Variants in ZNF578 observed in about 807,000 individuals in gnomAD.
ZNF578 encodes the protein zinc finger protein 578.
A neutral mutation model predicts 8.3 loss-of-function variants in ZNF578; 8 were observed. That is an observed-to-expected ratio of 0.96 (90% confidence interval 0.56 to 1.74). ZNF578 has a LOEUF of 1.74. Among genes scored for constraint, ZNF578 ranks in the 40% most tolerant of loss-of-function variants. The pLI is 0.00. For synonymous variants in ZNF578, 206 were observed against 232.2 expected (o/e 0.89, Z 1.03); for missense variants, 726 against 707.5 (o/e 1.03, Z -0.30).
At chr19:52,467,001 C>T (rs1039098717) in intron 2 of ZNF578, among the ~76,000 whole-genome samples, 4 of 151,662 alleles carry the variant, frequency 2.6e-5, no homozygotes, top group Non-Finnish European at 5.9e-5. Context: ...CCAGGCAACC[C>T]TCTCTTGATT....
intron 2 of ZNF578, among the ~76,000 whole-genome samples, chr19:52,464,062 C>G (rs1472789873): frequency 6.6e-6 from 1 of 152,156 alleles, no homozygotes; most frequent in Non-Finnish European, 1.5e-5. Flanking sequence ...GGGCTCAGTG[C>G]CACAAAGTTT....
intron 5 of ZNF578, among the ~76,000 whole-genome samples, chr19:52,509,965 T>C (rs1488874290): frequency 6.6e-6 from 1 of 151,744 alleles, no homozygotes; most frequent in African/African-American, 2.4e-5. Context: ...CACTGCAACC[T>C]CTGCCTCCCC....
intron 2 of ZNF578, among the ~76,000 whole-genome samples, chr19:52,483,398 A>G (rs1430892692): frequency 6.6e-6 from 1 of 152,182 alleles, no homozygotes; most frequent in East Asian, 1.9e-4. Flanking sequence ...CTCGGCAACA[A>G]GAGGGAAACT....
At chr19:52,492,931 T>C (rs2059371433) in intron 3 of ZNF578, 1 of 152,284 alleles carries the variant, frequency 6.6e-6, no homozygotes, top group African/African-American at 2.4e-5. Flanking sequence ...TCCCTAGGAC[T>C]TTGGGTCCCC....
At chr19:52,492,736 C>T (rs952282716) in intron 3 of ZNF578, 1 of 152,236 alleles carries the variant, frequency 6.6e-6, no homozygotes, top group Non-Finnish European at 1.5e-5. Flanking sequence ...GTCTCTCCGC[C>T]TCGCGCTCCG....
intron 2 of ZNF578, among the ~76,000 whole-genome samples, chr19:52,490,880 CT>C (rs1365925386): frequency 6.6e-6 from 1 of 152,180 alleles, no homozygotes; most frequent in Non-Finnish European, 1.5e-5. Context: ...TTTGGTTACT[CT>C]TACATAAGCT....
At chr19:52,481,110 G>A (rs1486383616) in intron 2 of ZNF578, among the ~76,000 whole-genome samples, 1 of 152,058 alleles carries the variant, frequency 6.6e-6, no homozygotes, top group Admixed American at 6.6e-5. Context: ...CAGCAACTCA[G>A]CCCAGGGCAG....
At position 52,514,118 on chromosome 19, in the gene ZNF578, T is replaced by G. The variant is rs1347515100; in HGVS notation, c.*1964T>G. 1.3e-5 allele frequency among the ~76,000 whole-genome samples: 2 copies of G among 152,106 alleles called. No individual in the cohort carries two copies. The highest frequency in any genetic ancestry group is 2.9e-5 in the Non-Finnish European group (2 of 68,008). ...TTTTTCCTTCTGGTTCCTCTTCAGT[T>G]CTCTATTTATTTTTTCTTTTTTGCA... On this transcript the variant is annotated 3_prime_UTR_variant, in exon 6 of 6. Coordinates refer to ENST00000421239, the MANE Select transcript of ZNF578 (RefSeq NM_001099694.2).
At chr19:52,504,931 C>A (rs2059420325) in intron 5 of ZNF578, 150 bp downstream of exon 5, 3 of 1,466,330 alleles carry the variant, frequency 2.0e-6, no homozygotes, top group Non-Finnish European at 2.7e-6. Flanking sequence ...GCTCTTGTTT[C>A]CCAGGCTGGA....
Position 52,510,820 on chromosome 19 carries a change from G to A in ZNF578, c.439G>A (p.Ala147Thr). The change falls in exon 6 of 6, where the codon GCT becomes ACT. Residue 147 changes from alanine to threonine, a missense_variant. Physicochemically the swap from Ala to Thr is moderately conservative, Grantham distance 58 (BLOSUM62 0). Transcript: ENST00000421239. ...CACAGACCGACATGATCAAAGGCAT[G>A]CTGGAAACAAGCCTATTAAAGATCA... ...GSTDRHDQRH[A>T]GNKPIKDQLG... 5.0e-6 allele frequency: 8 copies of A among 1,614,180 alleles called. No individual in the cohort carries two copies. The highest frequency in any genetic ancestry group is 5.9e-6 in the Non-Finnish European group (7 of 1,180,032).
In ZNF578 at chr19:52,514,023, TCAAA is replaced by T. The variant is rs139319526; in HGVS notation, c.*1878_*1881del. 8.6e-5 allele frequency among the ~76,000 whole-genome samples: 13 copies of T among 151,528 alleles called. No homozygotes were observed. The highest frequency in any genetic ancestry group is 1.3e-4 in the Non-Finnish European group (9 of 67,916). On this transcript the variant is annotated 3_prime_UTR_variant, in exon 6 of 6. Coordinates refer to ENST00000421239, the MANE Select transcript of ZNF578 (RefSeq NM_001099694.2). ...GAGGTTGGCAGAGTGAGTCTCCATC[TCAAA>T]CAAACAAATGAAAAAAACAGACATC...
chr19:52,462,750 A>C (rs1328608336), intron 2 of ZNF578, among the ~76,000 whole-genome samples: 1 of 152,044 alleles, frequency 6.6e-6, no homozygotes, highest in Non-Finnish European at 1.5e-5. Context: ...TTGGGGGTTG[A>C]GATCTTGGTT....
chr19:52,454,110 A>G (rs2059231556), intron 1 of ZNF578: 2 of 151,560 alleles, frequency 1.3e-5, no homozygotes, highest in Admixed American at 1.3e-4. Flanking sequence ...CTTACCCCGC[A>G]TTGAGGGAGG....
At position 52,499,689 on chromosome 19, in the gene ZNF578, G is replaced by GTTTTTTTTTTT. The variant is rs66824085; in HGVS notation, c.-19-2135_-19-2125dup. On this transcript the variant is annotated intron_variant, in intron 3 of 5. Transcript: ENST00000421239. ...TGAGAAGATACATCACTTCCAAATC[G>GTTTTTTTTTTT]TTTTTTTTTTTTTGAGATGAATTTT... 1.8e-4 allele frequency among the ~76,000 whole-genome samples: 25 copies of GTTTTTTTTTTT among 141,588 alleles called. 1 individual carries two copies. Among genetic ancestry groups the GTTTTTTTTTTT allele is most frequent in the Non-Finnish European group, 1.7e-4 (11 of 65,502 alleles). The allele number at this position is 141,588 out of a possible 152,430, so 92.9% of individuals were successfully genotyped here.
intron 2 of ZNF578, chr19:52,474,184 G>T: frequency 3.4e-6 from 1 of 291,996 alleles, no homozygotes; most frequent in Non-Finnish European, 7.2e-6. Flanking sequence ...TTAGAAGATG[G>T]GCAATAAGGC....
intron 5 of ZNF578, among the ~76,000 whole-genome samples, chr19:52,509,972 C>T (rs531626300): frequency 4.0e-5 from 6 of 151,738 alleles, no homozygotes; most frequent in Non-Finnish European, 8.8e-5. Flanking sequence ...ACCTCTGCCT[C>T]CCCGGTTCAA....
At chr19:52,471,376 G>A (rs1247364799) in intron 2 of ZNF578, among the ~76,000 whole-genome samples, 4 of 151,990 alleles carry the variant, frequency 2.6e-5, no homozygotes, top group East Asian at 3.9e-4. Flanking sequence ...TGTATGAGCC[G>A]GTTCTCCCTA....
At chr19:52,509,262 G>A (rs1236285309) in intron 5 of ZNF578, among the ~76,000 whole-genome samples, 6 of 152,028 alleles carry the variant, frequency 3.9e-5, no homozygotes, top group Non-Finnish European at 7.4e-5. Flanking sequence ...ACATCAGAAG[G>A]TAGTGATCTT....
intron 1 of ZNF578, chr19:52,455,155 C>A (rs2059235361): frequency 6.6e-6 from 1 of 151,298 alleles, no homozygotes. Flanking sequence ...AGTCCTCCAA[C>A]CACTTTTCCT....
Sources: allele counts gnomAD v4.1 joint callset (sites outside exome capture counted in the v4.1 genomes callset), GRCh38; gene constraint gnomAD v4.1.1; transcripts MANE v1.5; gene names NCBI Gene and HGNC (gene_info 2026-07-23, HGNC 2026-07-21).